SGPL1: variants seen among roughly 807,000 people sequenced by gnomAD.
The protein encoded by SGPL1 is SP-lyase 1.
SGPL1 carries 37 observed loss-of-function variants against 68.9 expected under a neutral mutation model. The observed-to-expected ratio is 0.54, with a 90% CI of 0.41 to 0.71. The LOEUF is 0.71. Ranked by LOEUF, SGPL1 falls within the 30% of genes least tolerant of loss-of-function variation. SGPL1 has a pLI of 0.00. For synonymous variants in SGPL1, 236 were observed against 248.5 expected (o/e 0.95, Z 0.47); for missense variants, 551 against 704.6 (o/e 0.78, Z 2.47).
chr10:70,847,558 G>A (rs1200001692), intron 3 of SGPL1, among the ~76,000 whole-genome samples: 2 of 152,072 alleles, frequency 1.3e-5, no homozygotes, highest in Non-Finnish European at 2.9e-5. Context: ...TACTACTGAA[G>A]GATACCACTA....
At chr10:70,824,151 C>G (rs772444940) in intron 2 of SGPL1, among the ~76,000 whole-genome samples, 1 of 152,186 alleles carries the variant, frequency 6.6e-6, no homozygotes, top group South Asian at 2.1e-4. Context: ...GCCTGCCTTA[C>G]GGAAATGTTT....
intron 2 of SGPL1, among the ~76,000 whole-genome samples, chr10:70,842,313 A>G (rs1192122474): frequency 6.6e-6 from 1 of 152,230 alleles, no homozygotes; most frequent in Admixed American, 6.5e-5. Flanking sequence ...ACATGCGTTT[A>G]AAATGTTGAT....
At chr10:70,857,916 T>C (rs1014151197) in intron 6 of SGPL1, among the ~76,000 whole-genome samples, 1 of 152,208 alleles carries the variant, frequency 6.6e-6, no homozygotes, top group Non-Finnish European at 1.5e-5. Context: ...TTTCAGTCTT[T>C]GCAGATGTCC....
Position 70,871,126 on chromosome 10 carries a change from C to A in SGPL1, c.889C>A (p.Pro297Thr). 5 of 1,613,014 alleles carry A rather than the reference C, an allele frequency of 3.1e-6. No individual in the cohort carries two copies. The highest frequency in any genetic ancestry group is 4.2e-6 in the Non-Finnish European group (5 of 1,179,282). ...TPQFPHGVID[P>T]VPEVAKLAVK... is the part of the protein sequence containing the mutation. The stretch of plus-strand genomic sequence containing the variant: ...ACAGTTTCCTCATGGTGTAATAGAT[C>A]CTGTCCCTGAAGTGGCCAAGGTATA... Residue 297 changes from proline (P) to threonine (T), a missense_variant, in exon 10 of 15, where the codon CCT (proline) becomes ACT (threonine). Physicochemically the swap from Pro to Thr is conservative, Grantham distance 38 (BLOSUM62 -1). Coordinates refer to ENST00000373202, the MANE Select transcript of SGPL1 (RefSeq NM_003901.4).
intron 7 of SGPL1, among the ~76,000 whole-genome samples, chr10:70,864,038 A>T (rs1846131967): frequency 6.6e-6 from 1 of 151,646 alleles, no homozygotes; most frequent in African/African-American, 2.4e-5. Flanking sequence ...GGGTTTAGCA[A>T]GTTTCTTTAT....
chr10:70,847,938 G>A (rs1845816517), intron 3 of SGPL1, among the ~76,000 whole-genome samples: 1 of 152,204 alleles, frequency 6.6e-6, no homozygotes, highest in South Asian at 2.1e-4. Flanking sequence ...CTGGAACAAA[G>A]GATGGAGCCT....
chr10:70,821,922 T>C (rs1414951195), intron 2 of SGPL1, among the ~76,000 whole-genome samples: 1 of 152,204 alleles, frequency 6.6e-6, no homozygotes, highest in Non-Finnish European at 1.5e-5. Context: ...GCAGAATTCT[T>C]AAGAAATGCT....
Position 70,877,330 on chromosome 10 carries a change from C to T in SGPL1, c.1702C>T (p.His568Tyr), listed in dbSNP as rs373165812. ...GSQMNGSPKP[H>Y] ...CCAGATGAATGGTTCTCCAAAACCC[C>T]ACTGAACTTGGACCCTTTCTAGTCT... The change falls in exon 15 of 15, where the codon CAC becomes TAC. Residue 568 changes from histidine to tyrosine, a missense_variant. Transcript: ENST00000373202. 3 of 1,614,194 alleles carry T rather than the reference C, an allele frequency of 1.9e-6. No individual in the cohort carries two copies. The highest frequency in any genetic ancestry group is 2.2e-5 in the East Asian group (1 of 44,878).
intron 2 of SGPL1, among the ~76,000 whole-genome samples, chr10:70,818,526 G>A (rs987203523): frequency 1.2e-4 from 19 of 152,172 alleles, no homozygotes; most frequent in Non-Finnish European, 1.5e-4. Flanking sequence ...CAGAGGGTGG[G>A]TTGGCGTCAC....
chr10:70,875,572 C>T (rs368082081), intron 13 of SGPL1, 24 bp downstream of exon 13: 11 of 1,587,808 alleles, frequency 6.9e-6, no homozygotes, highest in Non-Finnish European at 9.4e-6. Flanking sequence ...AGCCTCTTTC[C>T]CTTATTTTGC....
chr10:70,869,952 C>T, intron 9 of SGPL1, 55 bp downstream of exon 9: 2 of 1,439,560 alleles, frequency 1.4e-6, no homozygotes, highest in Non-Finnish European at 9.7e-7. Flanking sequence ...GCAGAAGGGC[C>T]CTCCTGTTGA....
chr10:70,839,428 T>C (rs1564621273), intron 2 of SGPL1, among the ~76,000 whole-genome samples: 1 of 152,026 alleles, frequency 6.6e-6, no homozygotes, highest in Non-Finnish European at 1.5e-5. Flanking sequence ...GTACTGAAAC[T>C]ACTGTTCTAT....
At chr10:70,845,644 C>T (rs140705561) in intron 3 of SGPL1, among the ~76,000 whole-genome samples, 2 of 152,170 alleles carry the variant, frequency 1.3e-5, no homozygotes, top group African/African-American at 2.4e-5. Context: ...CGCCTAGAAA[C>T]CTGGTTGTGT....
At chr10:70,835,759 G>GAAAAAAAA (rs1845618592) in intron 2 of SGPL1, among the ~76,000 whole-genome samples, 1 of 143,714 alleles carries the variant, frequency 7.0e-6, no homozygotes, top group Non-Finnish European at 1.5e-5. Context: ...AAAAAGAAAT[G>GAAAAAAAA]CCAAGAAGAC....
chr10:70,875,506 C>G lies in SGPL1; in HGVS notation c.1403C>G (p.Thr468Ser). Residue 468 changes from threonine to serine, a missense_variant, in exon 13 of 15, where the codon ACT becomes AGT. Transcript: ENST00000373202. Reference protein sequence around the residue: ...FDIYRLSNLMTAKGWNLNQLQ... With the variant: ...FDIYRLSNLMSAKGWNLNQLQ... ...ATCTACCGACTATCAAACCTGATGA[C>G]TGCTAAGGGGTGGAACTTGAACCAG... 1 of 1,613,340 alleles carries G rather than the reference C, an allele frequency of 6.2e-7. No individual in the cohort carries two copies.
At chr10:70,841,396 C>T (rs564331093) in intron 2 of SGPL1, among the ~76,000 whole-genome samples, 15 of 152,280 alleles carry the variant, frequency 9.9e-5, no homozygotes, top group Admixed American at 2.6e-4. Flanking sequence ...CCATTTCTCT[C>T]AGTTCTGGAG....
intron 5 of SGPL1, 61 bp from the exon 6 acceptor site, chr10:70,857,553 T>C (rs1053205250): frequency 7.3e-7 from 1 of 1,369,052 alleles, no homozygotes; most frequent in Non-Finnish European, 1.0e-6. Flanking sequence ...TTCTTCTTTA[T>C]CAGAACCTGT....
chr10:70,838,079 A>G (rs924156988), intron 2 of SGPL1, among the ~76,000 whole-genome samples: 1 of 152,122 alleles, frequency 6.6e-6, no homozygotes, highest in African/African-American at 2.4e-5. Flanking sequence ...TTAAATTTCA[A>G]CGTGAGTTTT....
intron 4 of SGPL1, among the ~76,000 whole-genome samples, chr10:70,854,131 A>G (rs1398629321): frequency 2.0e-5 from 3 of 152,082 alleles, no homozygotes; most frequent in Non-Finnish European, 4.4e-5. Context: ...AGTGATGTCA[A>G]TGTGGCAGAG....
Sources: allele counts gnomAD v4.1 joint callset (sites outside exome capture counted in the v4.1 genomes callset), GRCh38; gene constraint gnomAD v4.1.1; transcripts MANE v1.5; gene names NCBI Gene and HGNC (gene_info 2026-07-23, HGNC 2026-07-21).